The following MYO16 variants were observed in gnomAD, a reference collection of about 807,000 sequenced individuals.
The protein encoded by MYO16 is myosin XVI, also known as unconventional myosin-XVI.
In MYO16, 94 loss-of-function variants were observed where a neutral mutation model predicts 205.3. The observed-to-expected ratio is 0.46, with a 90% confidence interval of 0.39 to 0.54. The LOEUF (loss-of-function observed/expected upper bound fraction) is 0.54. MYO16 is among the 20% of genes least tolerant of loss of function. MYO16 has a pLI of 0.00. For missense variants in MYO16, 2,315 were observed against 2,387.5 expected, an observed-to-expected ratio of 0.97 and a Z score of 0.63; for synonymous variants, 988 against 954.0, an observed-to-expected ratio of 1.04 and a Z score of -0.66.
chr13:109,176,908 C>A (rs1879221761), intron 33 of MYO16, among the ~76,000 whole-genome samples: 1 of 152,078 alleles, frequency 6.6e-6, no homozygotes, highest in Admixed American at 6.6e-5. Flanking sequence ...GTTCTGGGAC[C>A]CATTCTTTCT....
chr13:108,776,812 T>C (rs908536462), intron 4 of MYO16, among the ~76,000 whole-genome samples: 6 of 152,166 alleles, frequency 3.9e-5, no homozygotes, highest in African/African-American at 1.4e-4. Flanking sequence ...CTGGGAGAAT[T>C]AAAGACAGAG....
chr13:109,102,730 C>A (rs1174712949), intron 28 of MYO16, among the ~76,000 whole-genome samples: 2 of 152,066 alleles, frequency 1.3e-5, no homozygotes, highest in African/African-American at 4.8e-5. Context: ...GTAAGCCCTG[C>A]CAGCCATCAT....
At chr13:109,181,817 T>TTTA (rs1420797867) in intron 34 of MYO16, among the ~76,000 whole-genome samples, 44 of 81,334 alleles carry the variant, frequency 5.4e-4, no homozygotes, top group African/African-American at 1.8e-3. Flanking sequence ...TATTTATTTA[T>TTTA]TTTATTTTAT....
intron 1 of MYO16, among the ~76,000 whole-genome samples, chr13:108,651,946 G>A (rs1325565617): frequency 6.6e-6 from 1 of 152,166 alleles, no homozygotes; most frequent in Non-Finnish European, 1.5e-5. Flanking sequence ...CAGTGCTTAA[G>A]GAGGGGTTAT....
chr13:108,672,669 CT>C (rs550008735), intron 2 of MYO16, among the ~76,000 whole-genome samples: 1 of 152,172 alleles, frequency 6.6e-6, no homozygotes, highest in African/African-American at 2.4e-5. Context: ...TTCAACAACT[CT>C]TTTTCCCTCT....
chr13:108,793,642 T>C lies in MYO16; in HGVS notation c.741+2T>C. 1.9e-6 allele frequency: 3 copies of C among 1,612,068 alleles called. No homozygotes were observed. The highest frequency in any genetic ancestry group is 2.5e-6 in the Non-Finnish European group (3 of 1,178,820). On this transcript the variant is annotated splice_donor_variant, in intron 6 of 34. Coordinates refer to ENST00000457511, the MANE Select transcript of MYO16 (RefSeq NM_001198950.3). LOFTEE classifies it high-confidence loss of function. ...AAAAACGATGAAGGAGTAACCCTGG[T>C]AAGTTCATATATTTGACTCAGAAAC...
At chr13:109,206,511 C>T in intron 34 of MYO16, 98 bp from the exon 35 acceptor site, 2 of 887,014 alleles carry the variant, frequency 2.3e-6, no homozygotes, top group Non-Finnish European at 3.6e-6. Flanking sequence ...CTTTCAGCAC[C>T]AGTCCTGCCC....
chr13:108,960,359 A>G (rs1023200910), intron 17 of MYO16, among the ~76,000 whole-genome samples: 3 of 152,298 alleles, frequency 2.0e-5, no homozygotes, highest in South Asian at 2.1e-4. Flanking sequence ...TATACAGCAT[A>G]AGTAAATTAA....
chr13:108,739,624 T>G (rs924454301), intron 4 of MYO16, among the ~76,000 whole-genome samples: 25 of 152,186 alleles, frequency 1.6e-4, no homozygotes, highest in African/African-American at 5.5e-4. Context: ...TTGGAGTTGC[T>G]CTTCTCGAGG....
At chr13:109,070,711 C>T (rs1243934516) in intron 27 of MYO16, among the ~76,000 whole-genome samples, 1 of 152,118 alleles carries the variant, frequency 6.6e-6, no homozygotes, top group East Asian at 1.9e-4. Flanking sequence ...TAGATTAGTA[C>T]TTCTGTTTTA....
At chr13:109,095,592 A>G (rs1326284836) in intron 27 of MYO16, among the ~76,000 whole-genome samples, 1 of 152,224 alleles carries the variant, frequency 6.6e-6, no homozygotes, top group Non-Finnish European at 1.5e-5. Context: ...AAAAATATTT[A>G]AAATGAGAAA....
chr13:109,113,795 G>C (rs1276456698), intron 28 of MYO16, among the ~76,000 whole-genome samples: 5 of 152,150 alleles, frequency 3.3e-5, no homozygotes, highest in Non-Finnish European at 7.3e-5. Flanking sequence ...GAAATCTTTA[G>C]GGCTTGAGGT....
intron 23 of MYO16, 69 bp from the exon 24 acceptor site, chr13:109,046,847 C>T: frequency 7.6e-7 from 1 of 1,321,640 alleles, no homozygotes; most frequent in East Asian, 2.3e-5. Context: ...GTCAAGTTAT[C>T]CTTTAAAGGA....
rs571069389 is a variant in MYO16 at position 109,046,754 on chromosome 13, G to A, written c.2797-162G>A. Among the ~76,000 whole-genome samples, 4 of 152,326 alleles carry A rather than the reference G, an allele frequency of 2.6e-5. No individual in the cohort carries two copies. The South Asian group carries it at 8.3e-4, about 32-fold the overall frequency. On this transcript the variant is annotated intron_variant, in intron 23 of 34. Coordinates refer to ENST00000457511, the MANE Select transcript of MYO16 (RefSeq NM_001198950.3). ...TTAATGTACAGAATGAGAACAGGCAGATTATAGCTTGGAACTTGCATGTAA... is the reference window on the plus strand; with the variant it reads ...TTAATGTACAGAATGAGAACAGGCAAATTATAGCTTGGAACTTGCATGTAA...
chr13:108,687,177 A>G (rs1386711920), intron 2 of MYO16, among the ~76,000 whole-genome samples: 3 of 152,272 alleles, frequency 2.0e-5, no homozygotes. Context: ...TATGTTAAGC[A>G]TAAATATATG....
intron 28 of MYO16, among the ~76,000 whole-genome samples, chr13:109,118,150 C>A (rs1263617430): frequency 6.6e-6 from 1 of 152,122 alleles, no homozygotes; most frequent in African/African-American, 2.4e-5. Flanking sequence ...CTTACTGAAC[C>A]CTGCCTGATC....
At chr13:108,677,013 C>T (rs1194974586) in intron 2 of MYO16, among the ~76,000 whole-genome samples, 1 of 152,076 alleles carries the variant, frequency 6.6e-6, no homozygotes, top group Non-Finnish European at 1.5e-5. Flanking sequence ...ATATCTTTCA[C>T]TAAAATGTGT....
chr13:108,707,231 T>A (rs1277304270), intron 2 of MYO16, among the ~76,000 whole-genome samples: 5 of 152,154 alleles, frequency 3.3e-5, no homozygotes, highest in African/African-American at 1.2e-4. Context: ...AGTCCTTGGA[T>A]GCTGATTCCC....
intron 1 of MYO16, among the ~76,000 whole-genome samples, chr13:108,635,246 G>A (rs1880169480): frequency 6.6e-6 from 1 of 152,108 alleles, no homozygotes. Context: ...CTGCACCTCA[G>A]CCAACCCGGA....
Sources: gnomAD v4.1 joint callset for allele counts (sites outside exome capture counted in the v4.1 genomes callset) on GRCh38, gnomAD v4.1.1 for gene constraint, MANE v1.5 for transcripts, NCBI Gene and HGNC (gene_info 2026-07-23, HGNC 2026-07-21) for gene names.